The following WFS1 variants were observed in gnomAD, a reference collection of about 807,000 sequenced individuals.
WFS1 encodes wolframin.
In WFS1, 90 loss-of-function variants were observed where a neutral mutation model predicts 68.5. The observed-to-expected ratio is 1.31, with a 90% CI of 1.11 to 1.56. The LOEUF is 1.56. WFS1 is among the 40% of genes most tolerant of loss of function. The pLI, the probability that WFS1 is intolerant of heterozygous loss-of-function variation, is 0.00. For synonymous variants in WFS1, 860 were observed against 540.7 expected (o/e 1.59, Z -8.19); for missense variants, 1,767 against 1,232.6 (o/e 1.43, Z -6.49).
chr4:6,276,162 T>G (rs1412149030), intron 1 of WFS1, among the ~76,000 whole-genome samples: 1 of 152,104 alleles, frequency 6.6e-6, no homozygotes, highest in Non-Finnish European at 1.5e-5. Flanking sequence ...GAGGAAAAGT[T>G]TCCACAGCCT....
intron 6 of WFS1, chr4:6,294,763 G>C (rs567460474): frequency 2.1e-6 from 1 of 468,468 alleles, no homozygotes; most frequent in East Asian, 4.2e-5. Flanking sequence ...CCAGGCATAA[G>C]GAGCTAGGCA....
At chr4:6,284,606 TGTG>T (rs1285407612) in intron 2 of WFS1, among the ~76,000 whole-genome samples, 1 of 151,676 alleles carries the variant, frequency 6.6e-6, no homozygotes, top group Non-Finnish European at 1.5e-5. Flanking sequence ...GTGCTGGCGT[TGTG>T]GTGGGAAGTA....
chr4:6,299,873 GGGC>G (rs1560416758), intron 7 of WFS1, among the ~76,000 whole-genome samples: 15 of 132,930 alleles, frequency 1.1e-4, no homozygotes, highest in African/African-American at 4.2e-4. Context: ...GTGTAGGGGT[GGGC>G]TGCATGTGTG....
At chr4:6,299,819 CGT>C (rs1004869516) in intron 7 of WFS1, among the ~76,000 whole-genome samples, 1 of 94,978 alleles carries the variant, frequency 1.1e-5, no homozygotes, top group African/African-American at 4.2e-5. Context: ...GGGTAGGTTG[CGT>C]GTGTGTGAAT....
intron 1 of WFS1, among the ~76,000 whole-genome samples, chr4:6,276,004 G>A (rs563663604): frequency 6.6e-6 from 1 of 152,292 alleles, no homozygotes; most frequent in African/African-American, 2.4e-5. Context: ...GGCTGCTCAG[G>A]ACCACACAGC....
intron 1 of WFS1, among the ~76,000 whole-genome samples, chr4:6,276,992 C>G (rs188201346): frequency 6.6e-6 from 1 of 152,228 alleles, no homozygotes; most frequent in African/African-American, 2.4e-5. Flanking sequence ...ATTTCAAGAT[C>G]CTTAAATACA....
At chr4:6,297,897 C>G (rs960517636) in intron 7 of WFS1, among the ~76,000 whole-genome samples, 3 of 152,120 alleles carry the variant, frequency 2.0e-5, no homozygotes, top group Non-Finnish European at 4.4e-5. Flanking sequence ...GGATCGTTCC[C>G]TGGTCATCGA....
intron 1 of WFS1, among the ~76,000 whole-genome samples, chr4:6,274,512 G>GT (rs1284127025): frequency 6.6e-6 from 1 of 152,184 alleles, no homozygotes; most frequent in Non-Finnish European, 1.5e-5. Flanking sequence ...CCCACACCAT[G>GT]TTGCTTCCAG....
At chr4:6,298,072 A>G (rs1440975199) in intron 7 of WFS1, among the ~76,000 whole-genome samples, 3 of 152,244 alleles carry the variant, frequency 2.0e-5, no homozygotes, top group African/African-American at 7.2e-5. Context: ...ACAGGATTTC[A>G]GATTTATTTT....
rs768520452 is a variant in WFS1, at chr4:6,277,636, G to A, written c.181G>A (p.Ala61Thr). ...TGGTGTTAGAGACGCAGCGGCCCCCGCTGAACCCCAGGCCCAGCATACCAG... is the reference window on the plus strand; with the variant it reads ...TGGTGTTAGAGACGCAGCGGCCCCCACTGAACCCCAGGCCCAGCATACCAG... The part of the protein sequence containing the change: ...GPGVRDAAAP[A>T]EPQAQHTRSR... Residue 61 changes from alanine (A) to threonine (T), a missense_variant, in exon 2 of 8, where the codon GCT (alanine) becomes ACT (threonine). Ala to Thr is a moderately conservative substitution (Grantham distance 58). Transcript: ENST00000226760. The A allele has an allele frequency of 1.1e-5, 18 of 1,568,714 alleles. No homozygotes were observed. The highest frequency in any genetic ancestry group is 1.7e-4 in the Middle Eastern group (1 of 5,886).
In WFS1 at chr4:6,289,072, C is replaced by T. The variant is rs746010848; in HGVS notation, c.401C>T (p.Ala134Val). ...CTAVDWLVLA[A>V]KQGRREAVKL... ...GCTGTGGACTGGCTGGTCCTCGCCG[C>T]GAAGCAGGGCCGTCGCGAGGCTGTG... is the stretch of plus-strand genomic sequence containing the variant. The change falls in exon 4 of 8, where the codon GCG becomes GTG. Residue 134 changes from alanine (A) to valine (V), a missense_variant. Physicochemically the swap from Ala to Val is moderately conservative, Grantham distance 64 (BLOSUM62 0). Coordinates refer to ENST00000226760, the MANE Select transcript of WFS1 (RefSeq NM_006005.3). 2.5e-5 allele frequency: 40 copies of T among 1,591,286 alleles called. No individual in the cohort carries two copies. Among genetic ancestry groups the T allele is most frequent in the Non-Finnish European group, 3.2e-5 (38 of 1,169,806 alleles).
rs1163727062 is a variant in WFS1 at position 6,277,651 on chromosome 4, C to T, written c.196C>T (p.Gln66Ter). 1.9e-6 allele frequency: 3 copies of T among 1,566,166 alleles called. No individual in the cohort carries two copies. The highest frequency in any genetic ancestry group is 1.4e-5 in the African/African-American group (1 of 73,890). The change falls in exon 2 of 8, where the codon CAG becomes TAG. Residue 66 changes from glutamine to a stop codon, truncating the protein, a stop_gained. Transcript: ENST00000226760. LOFTEE classifies it high-confidence loss of function. The stretch of plus-strand genomic sequence containing the variant: ...AGCGGCCCCCGCTGAACCCCAGGCC[C>T]AGCATACCAGGAGCCGGGAAAGAGC... ...DAAAPAEPQA[Q>*]HTRSRERADG...
intron 2 of WFS1, among the ~76,000 whole-genome samples, chr4:6,286,684 G>T (rs1384666202): frequency 6.6e-6 from 1 of 152,210 alleles, no homozygotes; most frequent in Non-Finnish European, 1.5e-5. Context: ...TGGGCTTCGG[G>T]TACAGGTGCT....
At position 6,302,617 on chromosome 4, in the gene WFS1, G is replaced by A. The variant is rs1046320; in HGVS notation, c.*149G>A. The A allele has an allele frequency of 0.59, 690,969 of 1,162,182 alleles. 209,854 individuals carry two copies. Among genetic ancestry groups the A allele is most frequent in the East Asian group, 0.93 (36,191 of 39,048 alleles). 72.0% of individuals were successfully genotyped at this position (1,162,182 alleles called of 1,614,324 possible). ...GACCTTGCGACCATGTGTAGATTGC[G>A]TGGACCCCGACAAAGGGAAGGCTGC... On this transcript the variant is annotated 3_prime_UTR_variant, in exon 8 of 8. Coordinates refer to ENST00000226760, the MANE Select transcript of WFS1 (RefSeq NM_006005.3).
At chr4:6,288,714 G>T in intron 3 of WFS1, 1 of 493,306 alleles carries the variant, frequency 2.0e-6, no homozygotes, top group Non-Finnish European at 3.7e-6. Context: ...AGCAACTCAA[G>T]GAAGAGAACC....
rs371404867 is a variant in WFS1, at chr4:6,300,773, G to A, written c.978G>A (p.Ala326=). ...TCATCCCCACGCACCACATCAACGC[G>A]CTCATCTTCTTCTTCATCGTCAGCA... ...STIIPTHHIN[A]LIFFFIVSNL... Residue 326 remains alanine (A), a synonymous_variant, in exon 8 of 8, where the codon GCG becomes GCA. Transcript: ENST00000226760. 89 of 1,613,984 alleles carry A rather than the reference G, an allele frequency of 5.5e-5. 1 individual carries two copies. In the South Asian group the frequency reaches 7.5e-4, roughly 14 times the overall value.
At position 6,302,526 on chromosome 4, in the gene WFS1, TG is replaced by T; in HGVS notation, c.*60del. ...GTTGCCATGAGGCCTTTCCCCAGTG[TG>T]GCCCCAGCCCGACAGGCATGCACCA... On this transcript the variant is annotated 3_prime_UTR_variant, in exon 8 of 8. Transcript: ENST00000226760. 6.2e-7 allele frequency: 1 copy of T among 1,604,418 alleles called. No individual in the cohort carries two copies. Among genetic ancestry groups the T allele is most frequent in the Non-Finnish European group, 8.5e-7 (1 of 1,178,178 alleles).
Position 6,300,667 on chromosome 4 carries a change from AC to A in WFS1, c.877del (p.Leu293CysfsTer11). The A allele has an allele frequency of 3.7e-6, 6 of 1,613,602 alleles. No homozygotes were observed. The highest frequency in any genetic ancestry group is 5.1e-6 in the Non-Finnish European group (6 of 1,179,874). On this transcript the variant is annotated frameshift_variant, in exon 8 of 8. Coordinates refer to ENST00000226760, the MANE Select transcript of WFS1 (RefSeq NM_006005.3). LOFTEE classifies it high-confidence loss of function. The part of the protein sequence containing the change: ...DLPLRLKVVK[Y>X]PLHAIMEIKE... ...CCATCTTTCCCCCAGGTGGTCAAGTACCCCCTGCACGCCATCATGGAGATCA... is the reference window on the plus strand; with the variant it reads ...CCATCTTTCCCCCAGGTGGTCAAGTACCCCTGCACGCCATCATGGAGATCA...
At chr4:6,294,401 A>T (rs887805088) in intron 6 of WFS1, among the ~76,000 whole-genome samples, 3 of 152,094 alleles carry the variant, frequency 2.0e-5, no homozygotes, top group Non-Finnish European at 2.9e-5. Context: ...AAGTCGGCCC[A>T]TGGCAGGACG....
Sources: gnomAD v4.1 joint callset for allele counts (sites outside exome capture counted in the v4.1 genomes callset) on GRCh38, gnomAD v4.1.1 for gene constraint, MANE v1.5 for transcripts, NCBI Gene and HGNC (gene_info 2026-07-23, HGNC 2026-07-21) for gene names.